GIMAP1: variants seen among roughly 807,000 people sequenced by gnomAD.
GIMAP1 encodes GTPase, IMAP family member 1.
For missense variants in GIMAP1, 423 were observed against 411.9 expected (o/e 1.03, Z -0.23); for synonymous variants, 230 against 187.7 (o/e 1.23, Z -1.84).
chr7:150,720,714 A>T lies in GIMAP1; in HGVS notation c.710A>T (p.Glu237Val). 1 of 1,578,692 alleles carries T rather than the reference A, an allele frequency of 6.3e-7. No individual in the cohort carries two copies. Among genetic ancestry groups the T allele is most frequent in the Non-Finnish European group, 8.6e-7 (1 of 1,162,078 alleles). Residue 237 changes from glutamate to valine, a missense_variant, in exon 3 of 3, where the codon GAG (glutamate) becomes GTG (valine). Transcript: ENST00000307194. The surrounding 1 kb of genome is among the most constrained non-coding windows in gnomAD (Gnocchi z 4.5). ...LAQVLRWAGP[E>V]ERLRRVAERV... Reference sequence around the variant, plus strand: ...CAGGTGCTGCGCTGGGCAGGCCCTGAGGAGCGGCTCCGGCGGGTGGCGGAG... The same window carrying T: ...CAGGTGCTGCGCTGGGCAGGCCCTGTGGAGCGGCTCCGGCGGGTGGCGGAG...
At position 150,720,079 on chromosome 7, in the gene GIMAP1, G is replaced by A. The variant is rs772350694; in HGVS notation, c.75G>A (p.Glu25=). 3.7e-6 allele frequency: 6 copies of A among 1,611,708 alleles called. No individual in the cohort carries two copies. Among genetic ancestry groups the A allele is most frequent in the Admixed American group, 1.7e-5 (1 of 59,928 alleles). Residue 25 remains glutamate (E), a synonymous_variant, in exon 3 of 3, where the codon GAG becomes GAA. Coordinates refer to ENST00000307194, the MANE Select transcript of GIMAP1 (RefSeq NM_130759.4). This position sits in a 1 kb window ranked among gnomAD's most constrained non-coding sequence, Gnocchi z 4.5. ...GLEENAQSRQ[E]STRRLILVGR... The stretch of plus-strand genomic sequence containing the variant: ...AAGAGAACGCTCAGTCCCGGCAGGA[G>A]TCCACGCGGAGGCTCATCCTTGTTG...
In GIMAP1 at chr7:150,721,749, G is replaced by C. The variant is rs1308554883; in HGVS notation, c.*824G>C. ...TCACTTGATGCAGTGAGCCGAGATC[G>C]TGCCACTGCACTCCAGGCTGGGTGA... On this transcript the variant is annotated 3_prime_UTR_variant, in exon 3 of 3. Coordinates refer to ENST00000307194, the MANE Select transcript of GIMAP1 (RefSeq NM_130759.4). 1 of 151,112 alleles carries C rather than the reference G, an allele frequency of 6.6e-6. No homozygotes were observed. Among genetic ancestry groups the C allele is most frequent in the African/African-American group, 2.4e-5 (1 of 40,966 alleles). 9.4% of individuals were successfully genotyped at this position (151,112 alleles called of 1,614,324 possible).
At position 150,723,901 on chromosome 7, in the gene GIMAP1, C is replaced by G. The variant is rs1797343388; in HGVS notation, c.*2976C>G. The G allele has an allele frequency of 6.6e-6, 1 of 152,104 alleles. No individual in the cohort carries two copies. Among genetic ancestry groups the G allele is most frequent in the South Asian group, 2.1e-4 (1 of 4,820 alleles). 9.4% of individuals were successfully genotyped at this position (152,104 alleles called of 1,614,324 possible). ...CTGTTCATATTTCTATGCCCTGGTA[C>G]CTGGATCAGCTTTTGTTCTACACAA... On this transcript the variant is annotated 3_prime_UTR_variant, in exon 3 of 3. Transcript: ENST00000307194.
In GIMAP1 at chr7:150,722,167, A is replaced by G. The variant is rs1164124005; in HGVS notation, c.*1242A>G. The stretch of plus-strand genomic sequence containing the variant: ...AGCATAATGAGAACCCTTTAAGGGA[A>G]CTCATTGTCTTTAAATCAGCCAGCC... On this transcript the variant is annotated 3_prime_UTR_variant, in exon 3 of 3. Coordinates refer to ENST00000307194, the MANE Select transcript of GIMAP1 (RefSeq NM_130759.4). The G allele has an allele frequency of 2.0e-5, 3 of 152,202 alleles. No individual in the cohort carries two copies. Among genetic ancestry groups the G allele is most frequent in the African/African-American group, 7.2e-5 (3 of 41,400 alleles). 9.4% of individuals were successfully genotyped at this position (152,202 alleles called of 1,614,324 possible). A position where few individuals can be genotyped will look rare whatever the true frequency, so the allele number is the denominator to read the frequency against.
In GIMAP1 at chr7:150,721,012, A is replaced by C. The variant is rs1303843947; in HGVS notation, c.*87A>C. Reference sequence around the variant, plus strand: ...GGGAAAACTTCATTCCAACGGAAGGAATCCTGTAGTTTCAGGCATAGTTTT... The same window carrying C: ...GGGAAAACTTCATTCCAACGGAAGGCATCCTGTAGTTTCAGGCATAGTTTT... On this transcript the variant is annotated 3_prime_UTR_variant, in exon 3 of 3. Transcript: ENST00000307194. The C allele has an allele frequency of 8.0e-7, 1 of 1,252,084 alleles. No individual in the cohort carries two copies. Among genetic ancestry groups the C allele is most frequent in the Non-Finnish European group, 1.1e-6 (1 of 942,462 alleles). The allele number at this position is 1,252,084 out of a possible 1,614,324, so 77.6% of individuals were successfully genotyped here.
chr7:150,719,696 A>G (rs1187148812), intron 2 of GIMAP1, among the ~76,000 whole-genome samples: 1 of 152,228 alleles, frequency 6.6e-6, no homozygotes. Flanking sequence ...CTTCACTACC[A>G]GGCAGTATTG....
rs1448707179 is a variant in GIMAP1, at chr7:150,720,207, C to T, written c.203C>T (p.Thr68Met). 2.5e-6 allele frequency: 4 copies of T among 1,614,042 alleles called. No homozygotes were observed. The highest frequency in any genetic ancestry group is 2.7e-5 in the African/African-American group (2 of 74,948). ...GATSVTRACT[T>M]GSRRWDKCHV... ...ACGTCTGTGACCAGGGCCTGCACCA[C>T]GGGCAGCCGCAGGTGGGACAAGTGC... The change falls in exon 3 of 3, where the codon ACG becomes ATG. Residue 68 changes from threonine (T) to methionine (M), a missense_variant. Transcript: ENST00000307194. This position sits in a 1 kb window ranked among gnomAD's most constrained non-coding sequence, Gnocchi z 4.5.
Position 150,720,767 on chromosome 7 carries a change from C to T in GIMAP1, c.763C>T (p.Pro255Ser). ...CGTGGCAGCCAGGGTGCAGAGGAGG[C>T]CATGGGGCGCCTGGCTGTCGGCCCG... ...ERVAARVQRR[P>S]WGAWLSARLW... The change falls in exon 3 of 3, where the codon CCA becomes TCA. Residue 255 changes from proline to serine, a missense_variant. Physicochemically the swap from Pro to Ser is moderately conservative, Grantham distance 74 (BLOSUM62 -1). Transcript: ENST00000307194. The surrounding 1 kb of genome is among the most constrained non-coding windows in gnomAD (Gnocchi z 4.5). The T allele has an allele frequency of 6.4e-7, 1 of 1,571,062 alleles. No homozygotes were observed. The highest frequency in any genetic ancestry group is 8.6e-7 in the Non-Finnish European group (1 of 1,158,914).
intron 1 of GIMAP1, among the ~76,000 whole-genome samples, chr7:150,717,208 G>T (rs151121142): frequency 1.1e-4 from 17 of 152,158 alleles, no homozygotes; most frequent in African/African-American, 3.9e-4. Flanking sequence ...TCCCTGCATG[G>T]CCCCTTAAAC....
In GIMAP1 at chr7:150,721,189, C is replaced by A. The variant is rs1585222539; in HGVS notation, c.*264C>A. ...AACTTCCTTTGGTAGTTTTGGTAGTCTAATGTCAAGTAGCTTGTAGTGGGG... is the reference window on the plus strand; with the variant it reads ...AACTTCCTTTGGTAGTTTTGGTAGTATAATGTCAAGTAGCTTGTAGTGGGG... On this transcript the variant is annotated 3_prime_UTR_variant, in exon 3 of 3. Coordinates refer to ENST00000307194, the MANE Select transcript of GIMAP1 (RefSeq NM_130759.4). 1 of 363,074 alleles carries A rather than the reference C, an allele frequency of 2.8e-6. No homozygotes were observed. Among genetic ancestry groups the A allele is most frequent in the East Asian group, 4.4e-5 (1 of 22,598 alleles). The allele number at this position is 363,074 out of a possible 1,614,324, so 22.5% of individuals were successfully genotyped here.
chr7:150,720,536 G>A lies in GIMAP1; in HGVS notation c.532G>A (p.Val178Met), dbSNP rs1453633519. 6.2e-7 allele frequency: 1 copy of A among 1,609,678 alleles called. No homozygotes were observed. The highest frequency in any genetic ancestry group is 8.5e-7 in the Non-Finnish European group (1 of 1,177,916). ...NTENRALREL[V>M]AECGGRVCAF... ...AGAGAACCGGGCCTTGCGCGAGCTG[G>A]TGGCCGAGTGCGGGGGCCGGGTCTG... Residue 178 changes from valine (V) to methionine (M), a missense_variant, in exon 3 of 3, where the codon GTG (valine) becomes ATG (methionine). By Grantham distance (21) the Val-to-Met change is conservative. Transcript: ENST00000307194. This position sits in a 1 kb window ranked among gnomAD's most constrained non-coding sequence, Gnocchi z 4.5.
At position 150,717,563 on chromosome 7, in the gene GIMAP1, T is replaced by TA. The variant is rs557037751; in HGVS notation, c.-7+884dup. 8.3e-3 allele frequency among the ~76,000 whole-genome samples: 1,219 copies of TA among 146,666 alleles called. 15 individuals carry two copies. The highest frequency in any genetic ancestry group is 0.027 in the African/African-American group (1,100 of 40,190). ...AGTTCAGCTGGGTCTTACTTTCCTT[T>TA]AAAAAAAAAAACTATTTAAAATCAT... On this transcript the variant is annotated intron_variant, in intron 1 of 2. Transcript: ENST00000307194.
chr7:150,720,528 G>C lies in GIMAP1; in HGVS notation c.524G>C (p.Arg175Pro). ...AGCAACACAGAGAACCGGGCCTTGC[G>C]CGAGCTGGTGGCCGAGTGCGGGGGC... is the stretch of plus-strand genomic sequence containing the variant. ...YVSNTENRAL[R>P]ELVAECGGRV... Residue 175 changes from arginine (R) to proline (P), a missense_variant, in exon 3 of 3, where the codon CGC (arginine) becomes CCC (proline). Coordinates refer to ENST00000307194, the MANE Select transcript of GIMAP1 (RefSeq NM_130759.4). The surrounding 1 kb of genome is among the most constrained non-coding windows in gnomAD (Gnocchi z 4.5). The C allele has an allele frequency of 6.2e-7, 1 of 1,606,674 alleles. No homozygotes were observed. The highest frequency in any genetic ancestry group is 8.5e-7 in the Non-Finnish European group (1 of 1,176,578).
chr7:150,716,809 C>A (rs1277973073), intron 1 of GIMAP1, 119 bp downstream of exon 1: 1 of 152,070 alleles, frequency 6.6e-6, no homozygotes, highest in African/African-American at 2.4e-5. Flanking sequence ...TGCAGGCGAG[C>A]AAGATCTGGA....
Position 150,721,157 on chromosome 7 carries a change from T to C in GIMAP1, c.*232T>C. 1 of 405,324 alleles carries C rather than the reference T, an allele frequency of 2.5e-6. No individual in the cohort carries two copies. The highest frequency in any genetic ancestry group is 9.8e-5 in the South Asian group (1 of 10,164). The allele number at this position is 405,324 out of a possible 1,614,324, so 25.1% of individuals were successfully genotyped here. A position where few individuals can be genotyped will look rare whatever the true frequency, so the allele number is the denominator to read the frequency against. On this transcript the variant is annotated 3_prime_UTR_variant, in exon 3 of 3. Coordinates refer to ENST00000307194, the MANE Select transcript of GIMAP1 (RefSeq NM_130759.4). The stretch of plus-strand genomic sequence containing the variant: ...TGCAGAGTTTTAAAATAAATTCGTC[T>C]AACAATAACTTCCTTTGGTAGTTTT...
Position 150,724,164 on chromosome 7 carries a change from A to G in GIMAP1, c.*3239A>G, listed in dbSNP as rs1446648738. ...GGAAGCTATAGCTAGACTATGGCTC[A>G]ACACTCATTTTTCCCCCATGATTCT... On this transcript the variant is annotated 3_prime_UTR_variant, in exon 3 of 3. Coordinates refer to ENST00000307194, the MANE Select transcript of GIMAP1 (RefSeq NM_130759.4). 1.3e-5 allele frequency: 2 copies of G among 152,038 alleles called. No homozygotes were observed. The highest frequency in any genetic ancestry group is 4.8e-5 in the African/African-American group (2 of 41,390). 9.4% of individuals were successfully genotyped at this position (152,038 alleles called of 1,614,324 possible).
intron 2 of GIMAP1, 37 bp downstream of exon 2, chr7:150,719,127 T>G: frequency 1.9e-6 from 3 of 1,613,798 alleles, no homozygotes; most frequent in Non-Finnish European, 2.5e-6. Flanking sequence ...CTTGCCCCCC[T>G]AGGCTTGAAC....
In GIMAP1 at chr7:150,720,413, G is replaced by A. The variant is rs748576215; in HGVS notation, c.409G>A (p.Asp137Asn). The A allele has an allele frequency of 3.8e-6, 6 of 1,584,004 alleles. No homozygotes were observed. In the Admixed American group the frequency reaches 8.7e-5, roughly 23 times the overall value. Residue 137 changes from aspartate to asparagine, a missense_variant, in exon 3 of 3, where the codon GAC becomes AAC. Transcript: ENST00000307194. The surrounding 1 kb of genome is among the most constrained non-coding windows in gnomAD (Gnocchi z 4.5). ...CCAGCAGGCGGTGAGGCAGGTGAGG[G>A]ACATGTTCGGGGAGGACGTCCTAAA... ...QDQQAVRQVR[D>N]MFGEDVLKWM...
chr7:150,723,308 G>A lies in GIMAP1; in HGVS notation c.*2383G>A, dbSNP rs189656910. Reference sequence around the variant, plus strand: ...AAATGTTTGGAAAATGAATTGTAAAGTTGACTTTCCTGTACCTTTTTAATA... The same window carrying A: ...AAATGTTTGGAAAATGAATTGTAAAATTGACTTTCCTGTACCTTTTTAATA... On this transcript the variant is annotated 3_prime_UTR_variant, in exon 3 of 3. Coordinates refer to ENST00000307194, the MANE Select transcript of GIMAP1 (RefSeq NM_130759.4). 2.8e-3 allele frequency: 433 copies of A among 152,000 alleles called. 4 individuals carry two copies. The highest frequency in any genetic ancestry group is 0.01 in the African/African-American group (415 of 41,444). 9.4% of individuals were successfully genotyped at this position (152,000 alleles called of 1,614,324 possible). A position where few individuals can be genotyped will look rare whatever the true frequency, so the allele number is the denominator to read the frequency against.
Sources: gnomAD v4.1 joint callset for allele counts (sites outside exome capture counted in the v4.1 genomes callset) on GRCh38, gnomAD v4.1.1 for gene constraint, Gnocchi (gnomAD v3.1) non-coding constraint, MANE v1.5 for transcripts, NCBI Gene and HGNC (gene_info 2026-07-23, HGNC 2026-07-21) for gene names.